SYTL3: variants seen among roughly 807,000 people sequenced by gnomAD.
SYTL3 encodes synaptotagmin-like protein 3.
SYTL3 carries 88 observed loss-of-function variants against 82.1 expected under a neutral mutation model. The observed-to-expected ratio is 1.07, with a 90% CI of 0.90 to 1.28. SYTL3 has a LOEUF of 1.28. Among genes scored for constraint, SYTL3 ranks in the 50% most tolerant of loss-of-function variants. The pLI is 0.00. For synonymous variants in SYTL3, 311 were observed against 289.4 expected (o/e 1.07, Z -0.76); for missense variants, 831 against 757.6 (o/e 1.10, Z -1.14).
intron 5 of SYTL3, among the ~76,000 whole-genome samples, chr6:158,682,355 CTTTT>C (rs61526522): frequency 9.4e-6 from 1 of 106,832 alleles, no homozygotes; most frequent in African/African-American, 4.2e-5. Context: ...TTAACATTCA[CTTTT>C]TTTTTTTTTT....
chr6:158,700,741 T>C (rs896103155), intron 6 of SYTL3, among the ~76,000 whole-genome samples: 24 of 152,274 alleles, frequency 1.6e-4, no homozygotes, highest in East Asian at 1.2e-3. Context: ...CTCAGCCTCC[T>C]GAGTAGCTGG....
chr6:158,665,500 C>T lies in SYTL3; in HGVS notation c.216C>T (p.Phe72=). 1 of 1,601,534 alleles carries T rather than the reference C, an allele frequency of 6.2e-7. No homozygotes were observed. Among genetic ancestry groups the T allele is most frequent in the Non-Finnish European group, 8.5e-7 (1 of 1,174,482 alleles). ...CCARCQQVLG[F]LLHRGAVCRG... ...CGCGCTGCCAGCAGGTGCTGGGGTT[C>T]CTGCTGCACCGGGGCGCCGTGTGCC... Residue 72 remains phenylalanine, a synonymous_variant, in exon 5 of 18, where the codon TTC becomes TTT. Transcript: ENST00000611299.
At chr6:158,723,002 G>A (rs527919399) in intron 10 of SYTL3, among the ~76,000 whole-genome samples, 94 of 151,108 alleles carry the variant, frequency 6.2e-4, no homozygotes, top group African/African-American at 2.2e-3. Flanking sequence ...CTAACCTCAG[G>A]TGATCTGCCA....
chr6:158,754,445 G>C (rs983821833), intron 13 of SYTL3, among the ~76,000 whole-genome samples: 4 of 152,258 alleles, frequency 2.6e-5, no homozygotes, highest in Non-Finnish European at 1.5e-5. Flanking sequence ...TCTAGGCTGG[G>C]TGTGGTGGCT....
intron 11 of SYTL3, among the ~76,000 whole-genome samples, chr6:158,729,439 C>T (rs1393587432): frequency 6.6e-6 from 1 of 152,180 alleles, no homozygotes; most frequent in African/African-American, 2.4e-5. Flanking sequence ...ATGACTTATT[C>T]AGTTCCCAGA....
rs114270819 is a variant in SYTL3 at position 158,674,261 on chromosome 6, A to G, written c.329+8648A>G. Among the ~76,000 whole-genome samples, 178 of 152,196 alleles carry G rather than the reference A, an allele frequency of 1.2e-3. 1 individual carries two copies. Among genetic ancestry groups the G allele is most frequent in the African/African-American group, 4.2e-3 (175 of 41,502 alleles). On this transcript the variant is annotated intron_variant, in intron 5 of 17. Coordinates refer to ENST00000611299, the MANE Select transcript of SYTL3 (RefSeq NM_001242394.2). The stretch of plus-strand genomic sequence containing the variant: ...CATTTCTGCTCTTTTCTGCTGATGA[A>G]ACAGTTCATTCTGCTTTGGCTCTGT...
intron 5 of SYTL3, among the ~76,000 whole-genome samples, chr6:158,672,564 T>G (rs1193317945): frequency 6.6e-6 from 1 of 151,714 alleles, no homozygotes; most frequent in African/African-American, 2.4e-5. Context: ...TTCTTTTTTT[T>G]TTTTTTGGCA....
At chr6:158,736,564 G>T (rs759131718) in intron 11 of SYTL3, among the ~76,000 whole-genome samples, 1 of 152,032 alleles carries the variant, frequency 6.6e-6, no homozygotes, top group Non-Finnish European at 1.5e-5. Context: ...CAAGGCGGGC[G>T]GATCACCTGA....
chr6:158,713,606 C>T (rs560444378), intron 8 of SYTL3, among the ~76,000 whole-genome samples, 194 bp from the exon 9 acceptor site: 1 of 152,056 alleles, frequency 6.6e-6, no homozygotes, highest in African/African-American at 2.4e-5. Context: ...AGATGCCTAC[C>T]CCTCAGGAAG....
At chr6:158,707,180 G>A in intron 6 of SYTL3, 50 bp from the exon 7 acceptor site, 1 of 1,549,618 alleles carries the variant, frequency 6.5e-7, no homozygotes, top group Non-Finnish European at 8.9e-7. Context: ...ATTTACATTA[G>A]CTAAGTGCTA....
chr6:158,762,203 T>C (rs1170303098), intron 16 of SYTL3, 25 bp downstream of exon 16: 7 of 1,528,104 alleles, frequency 4.6e-6, no homozygotes, highest in Non-Finnish European at 6.3e-6. Context: ...TAATCAAATA[T>C]TTATTGGTGA....
intron 11 of SYTL3, among the ~76,000 whole-genome samples, chr6:158,736,008 A>G (rs1433775161): frequency 6.6e-6 from 1 of 152,228 alleles, no homozygotes. Context: ...CAAAATGTGC[A>G]TACATAGATG....
intron 6 of SYTL3, among the ~76,000 whole-genome samples, chr6:158,689,933 C>A (rs1443066723): frequency 6.6e-6 from 1 of 152,206 alleles, no homozygotes; most frequent in African/African-American, 2.4e-5. Context: ...GGATTATAGG[C>A]CTGAGCCACC....
chr6:158,754,312 A>T (rs775778790), intron 13 of SYTL3, among the ~76,000 whole-genome samples: 1 of 152,148 alleles, frequency 6.6e-6, no homozygotes, highest in Non-Finnish European at 1.5e-5. Flanking sequence ...TCACTGGGTG[A>T]CATTGGTCAT....
At chr6:158,671,260 G>A (rs1562357524) in intron 5 of SYTL3, among the ~76,000 whole-genome samples, 1 of 152,196 alleles carries the variant, frequency 6.6e-6, no homozygotes, top group African/African-American at 2.4e-5. Context: ...GTCAGCACTT[G>A]ATTAGTTAGG....
chr6:158,691,797 A>C (rs1308640274), intron 6 of SYTL3, among the ~76,000 whole-genome samples: 2 of 150,824 alleles, frequency 1.3e-5, no homozygotes, highest in African/African-American at 2.4e-5. Flanking sequence ...GACTACGGGC[A>C]CCTGTCACCA....
chr6:158,646,257 C>A (rs1165737228), upstream of SYTL3, among the ~76,000 whole-genome samples: 1 of 152,152 alleles, frequency 6.6e-6, no homozygotes, highest in Non-Finnish European at 1.5e-5. Context: ...GCTTGAACTC[C>A]TGGGCTCAAG....
chr6:158,763,645 C>T (rs2291385), intron 17 of SYTL3, 136 bp downstream of exon 17: 41,199 of 707,496 alleles, frequency 0.058, 2,432 homozygotes, highest in African/African-American at 0.25. Context: ...TTGGAAATGC[C>T]TAAGTCTAGT....
In SYTL3 at chr6:158,725,667, TTTTTTTG is replaced by T. The variant is rs869027836; in HGVS notation, c.855+44_855+50del. The T allele has an allele frequency of 1.2e-5, 17 of 1,464,594 alleles. 1 individual carries two copies. The highest frequency in any genetic ancestry group is 7.0e-5 in the South Asian group (6 of 85,258). The allele number at this position is 1,464,594 out of a possible 1,614,324, so 90.7% of individuals were successfully genotyped here. ...GTCTCATTCCAATGCTCTTTTTTTG[TTTTTTTG>T]TTTTTTGTTTTTTTGGAAAGCATAA... On this transcript the variant is annotated intron_variant, in intron 11 of 17. Coordinates refer to ENST00000611299, the MANE Select transcript of SYTL3 (RefSeq NM_001242394.2).
Sources: allele counts gnomAD v4.1 joint callset (sites outside exome capture counted in the v4.1 genomes callset), GRCh38; gene constraint gnomAD v4.1.1; transcripts MANE v1.5; gene names NCBI Gene and HGNC (gene_info 2026-07-23, HGNC 2026-07-21).